Variants in DNAJC1 observed in about 807,000 individuals in gnomAD.
The protein encoded by DNAJC1 is dnaJ homolog subfamily C member 1.
A neutral mutation model predicts 76.6 loss-of-function variants in DNAJC1; 58 were observed. The observed-to-expected ratio is 0.76, with a 90% CI of 0.61 to 0.94. The LOEUF (loss-of-function observed/expected upper bound fraction) is 0.94. Ranked by LOEUF, DNAJC1 falls within the 40% of genes least tolerant of loss-of-function variation. The pLI, the probability that DNAJC1 is intolerant of heterozygous loss-of-function variation, is 0.00. For missense variants in DNAJC1, 689 were observed against 677.3 expected, an observed-to-expected ratio of 1.02 and a Z score of -0.19; for synonymous variants, 258 against 267.9, an observed-to-expected ratio of 0.96 and a Z score of 0.36.
In DNAJC1 at chr10:21,987,534, C is replaced by T. The variant is rs1366944901; in HGVS notation, c.222+15679G>A. Among the ~76,000 whole-genome samples the T allele has an allele frequency of 2.6e-5, 4 of 152,080 alleles. No homozygotes were observed. The East Asian group carries it at 7.7e-4, about 29-fold the overall frequency. On this transcript the variant is annotated intron_variant, in intron 1 of 11. Transcript: ENST00000376980. ...GTTTACCAGAATGTAGAATTATACCCACAGCTTACTGTAAGTATATTTGCA... is the reference window on the plus strand; with the variant it reads ...GTTTACCAGAATGTAGAATTATACCTACAGCTTACTGTAAGTATATTTGCA...
intron 1 of DNAJC1, among the ~76,000 whole-genome samples, chr10:22,002,839 CA>C (rs1838543318): frequency 6.7e-6 from 1 of 148,988 alleles, no homozygotes; most frequent in Admixed American, 6.7e-5. Flanking sequence ...GACAGGAAGG[CA>C]AAAGGTAGGT....
chr10:21,911,919 G>GT (rs1456622255), intron 6 of DNAJC1, among the ~76,000 whole-genome samples: 5 of 152,260 alleles, frequency 3.3e-5, no homozygotes, highest in Admixed American at 6.5e-5. Context: ...TGGGCTAAAC[G>GT]TAAGTGTTCT....
At chr10:21,947,378 C>G (rs1209082492) in intron 1 of DNAJC1, among the ~76,000 whole-genome samples, 1 of 152,144 alleles carries the variant, frequency 6.6e-6, no homozygotes, top group Non-Finnish European at 1.5e-5. Flanking sequence ...TCCACTTCCT[C>G]CACCTCTTCT....
chr10:21,802,172 G>C (rs1834821202), intron 9 of DNAJC1, among the ~76,000 whole-genome samples: 1 of 152,124 alleles, frequency 6.6e-6, no homozygotes, highest in South Asian at 2.1e-4. Context: ...AGAGAAGGAA[G>C]GGAGAGGAGT....
At chr10:21,801,988 G>A (rs1834819654) in intron 9 of DNAJC1, among the ~76,000 whole-genome samples, 2 of 152,146 alleles carry the variant, frequency 1.3e-5, no homozygotes, top group Non-Finnish European at 2.9e-5. Context: ...GGGGCCTGGA[G>A]GGTGGGAGGA....
chr10:21,776,970 T>C (rs1286450811), intron 9 of DNAJC1, among the ~76,000 whole-genome samples: 1 of 152,200 alleles, frequency 6.6e-6, no homozygotes, highest in East Asian at 1.9e-4. Flanking sequence ...CAATTTTAAA[T>C]TGCATTAACA....
intron 6 of DNAJC1, among the ~76,000 whole-genome samples, chr10:21,909,621 TTC>T (rs1380509283): frequency 1.3e-5 from 2 of 152,348 alleles, no homozygotes; most frequent in Admixed American, 6.5e-5. Context: ...TCACTCAACA[TTC>T]TGTTTCCCTA....
intron 6 of DNAJC1, among the ~76,000 whole-genome samples, chr10:21,911,544 T>C (rs1046605894): frequency 1.3e-5 from 2 of 152,150 alleles, no homozygotes; most frequent in African/African-American, 4.8e-5. Flanking sequence ...AACCAGAAGC[T>C]ACTGTCTTCC....
chr10:21,918,240 A>G (rs906176896), intron 6 of DNAJC1, among the ~76,000 whole-genome samples: 1 of 151,948 alleles, frequency 6.6e-6, no homozygotes, highest in Non-Finnish European at 1.5e-5. Context: ...TCCACATTTT[A>G]TTATTTAATC....
chr10:21,815,439 G>T (rs1835059076), intron 8 of DNAJC1, among the ~76,000 whole-genome samples: 1 of 152,092 alleles, frequency 6.6e-6, no homozygotes. Flanking sequence ...GAAACATACT[G>T]ATATTCTGAT....
chr10:21,907,391 A>G (rs755551970), intron 6 of DNAJC1, among the ~76,000 whole-genome samples: 11 of 151,958 alleles, frequency 7.2e-5, no homozygotes, highest in Admixed American at 1.3e-4. Flanking sequence ...TTCCTTAACA[A>G]TCTATGAACT....
Position 21,919,903 on chromosome 10 carries a change from T to A in DNAJC1, c.564A>T (p.Arg188Ser). The A allele has an allele frequency of 6.2e-7, 1 of 1,606,816 alleles. No individual in the cohort carries two copies. The highest frequency in any genetic ancestry group is 8.5e-7 in the Non-Finnish European group (1 of 1,178,040). Residue 188 changes from arginine to serine, a missense_variant, in exon 5 of 12, where the codon AGA becomes AGT. Physicochemically the swap from Arg to Ser is moderately radical, Grantham distance 110 (BLOSUM62 -1). Coordinates refer to ENST00000376980, the MANE Select transcript of DNAJC1 (RefSeq NM_022365.4). ...QLDELLSRKKREKKKKTGSKS... is the reference protein window; with the variant it reads ...QLDELLSRKKSEKKKKTGSKS... The stretch of plus-strand genomic sequence containing the variant: ...TGCTGCCAGTCTTTTTTTTCTTTTC[T>A]CTCTTTTTTCTACTTAGTAGTTCAT...
At chr10:21,846,221 C>G (rs1024570262) in intron 8 of DNAJC1, among the ~76,000 whole-genome samples, 1 of 152,190 alleles carries the variant, frequency 6.6e-6, no homozygotes, top group African/African-American at 2.4e-5. Flanking sequence ...GGAGTTCAAG[C>G]ACAATGCCTG....
intron 1 of DNAJC1, among the ~76,000 whole-genome samples, chr10:22,000,496 T>G (rs1022217065): frequency 6.6e-6 from 1 of 152,258 alleles, no homozygotes; most frequent in African/African-American, 2.4e-5. Context: ...CCTTGATCAC[T>G]CTGCTCCAGC....
intron 1 of DNAJC1, among the ~76,000 whole-genome samples, chr10:21,997,860 G>A (rs1440053305): frequency 6.6e-6 from 1 of 152,194 alleles, no homozygotes; most frequent in Non-Finnish European, 1.5e-5. Flanking sequence ...TAAAACACGA[G>A]AGAAAGAGAA....
intron 6 of DNAJC1, among the ~76,000 whole-genome samples, chr10:21,905,914 T>A (rs1011094364): frequency 3.3e-5 from 5 of 152,170 alleles, no homozygotes; most frequent in Non-Finnish European, 7.3e-5. Context: ...GAGAGAGCTT[T>A]ATTTCTGCAA....
At chr10:21,938,261 G>A (rs1382825811) in intron 1 of DNAJC1, among the ~76,000 whole-genome samples, 4 of 151,314 alleles carry the variant, frequency 2.6e-5, no homozygotes, top group East Asian at 1.9e-4. Flanking sequence ...AGAAGGATAC[G>A]AATGAAAACG....
intron 7 of DNAJC1, among the ~76,000 whole-genome samples, chr10:21,885,534 T>C (rs879412574): frequency 2.0e-5 from 3 of 152,196 alleles, no homozygotes; most frequent in Admixed American, 1.3e-4. Context: ...CAACAGAATA[T>C]ACATTCTTCT....
intron 11 of DNAJC1, among the ~76,000 whole-genome samples, chr10:21,758,551 C>T (rs1834203211): frequency 6.6e-6 from 1 of 152,262 alleles, no homozygotes; most frequent in South Asian, 2.1e-4. Flanking sequence ...CTACAAACGG[C>T]CACGGCCGTG....
Sources: gnomAD v4.1 joint callset for allele counts (sites outside exome capture counted in the v4.1 genomes callset) on GRCh38, gnomAD v4.1.1 for gene constraint, MANE v1.5 for transcripts, NCBI Gene and HGNC (gene_info 2026-07-23, HGNC 2026-07-21) for gene names.